The following ZMAT4 variants were observed in gnomAD, a reference collection of about 807,000 sequenced individuals.
The protein encoded by ZMAT4 is zinc finger matrin-type 4.
ZMAT4 carries 17 observed loss-of-function variants against 28.7 expected under a neutral mutation model. The observed-to-expected ratio is 0.59, with a 90% CI of 0.41 to 0.89. The LOEUF (loss-of-function observed/expected upper bound fraction) is 0.89, where lower values mean the gene tolerates loss of function less well. Ranked by LOEUF, ZMAT4 falls within the 40% of genes least tolerant of loss-of-function variation. The pLI, the probability that ZMAT4 is intolerant of heterozygous loss-of-function variation, is 0.00. For synonymous variants in ZMAT4, 117 were observed against 109.2 expected (o/e 1.07, Z -0.44); for missense variants, 240 against 283.8 (o/e 0.85, Z 1.11).
intron 5 of ZMAT4, among the ~76,000 whole-genome samples, chr8:40,669,482 TG>T (rs1405670479): frequency 6.6e-6 from 1 of 151,896 alleles, no homozygotes; most frequent in African/African-American, 2.4e-5. Context: ...CCACCGCTTT[TG>T]CCTCTGCCAC....
chr8:40,532,474 A>C (rs1381531869), intron 6 of ZMAT4, among the ~76,000 whole-genome samples: 1 of 152,190 alleles, frequency 6.6e-6, no homozygotes, highest in East Asian at 1.9e-4. Context: ...ATAGCTCTAC[A>C]TTGTCAATCC....
intron 3 of ZMAT4, among the ~76,000 whole-genome samples, chr8:40,707,675 T>C (rs541542054): frequency 1.6e-4 from 25 of 152,328 alleles, no homozygotes; most frequent in Middle Eastern, 3.4e-3. Flanking sequence ...TATGTCTGTG[T>C]GTATATACAT....
At chr8:40,747,449 C>G (rs891369128) in intron 3 of ZMAT4, among the ~76,000 whole-genome samples, 2 of 152,068 alleles carry the variant, frequency 1.3e-5, no homozygotes, top group Non-Finnish European at 2.9e-5. Flanking sequence ...CTCAGATATT[C>G]CTTGGTTATG....
At chr8:40,783,834 A>C (rs1813946500) in intron 2 of ZMAT4, among the ~76,000 whole-genome samples, 1 of 152,106 alleles carries the variant, frequency 6.6e-6, no homozygotes, top group South Asian at 2.1e-4. Flanking sequence ...AACATGGTGA[A>C]ACCCTGTCTC....
intron 5 of ZMAT4, among the ~76,000 whole-genome samples, chr8:40,651,502 C>T (rs1173601420): frequency 5.3e-5 from 8 of 149,916 alleles, no homozygotes; most frequent in African/African-American, 9.9e-5. Context: ...GCCATACTGC[C>T]CAAGGTAATT....
chr8:40,731,473 G>C (rs1811539976), intron 3 of ZMAT4, among the ~76,000 whole-genome samples: 1 of 151,950 alleles, frequency 6.6e-6, no homozygotes, highest in Non-Finnish European at 1.5e-5. Context: ...GCAAACCTAA[G>C]GGAAGAAGAA....
chr8:40,767,129 C>T (rs1294408966), intron 3 of ZMAT4, among the ~76,000 whole-genome samples: 1 of 152,206 alleles, frequency 6.6e-6, no homozygotes, highest in Non-Finnish European at 1.5e-5. Context: ...ATAATTGTCA[C>T]TTGTCTTCCC....
intron 4 of ZMAT4, among the ~76,000 whole-genome samples, chr8:40,685,217 T>C (rs1809349811): frequency 6.6e-6 from 1 of 152,140 alleles, no homozygotes; most frequent in Non-Finnish European, 1.5e-5. Flanking sequence ...TGCTCCATCA[T>C]GTCAAGTCCC....
intron 2 of ZMAT4, among the ~76,000 whole-genome samples, chr8:40,781,891 T>G (rs1047731582): frequency 2.0e-5 from 3 of 151,222 alleles, no homozygotes; most frequent in Admixed American, 2.0e-4. Context: ...ATTAAATATA[T>G]GCAAAACAGT....
chr8:40,851,557 T>C lies in ZMAT4; in HGVS notation c.-4-25877A>G, dbSNP rs79207997. ...TGGGGAAAACCGAGTGAAGGGTTTA[T>C]AAATACTCTTTGAACTATGCTTGCA... On this transcript the variant is annotated intron_variant, in intron 1 of 6. Coordinates refer to ENST00000297737, the MANE Select transcript of ZMAT4 (RefSeq NM_024645.3). Among the ~76,000 whole-genome samples, 497 of 152,346 alleles carry C rather than the reference T, an allele frequency of 3.3e-3. 2 individuals are homozygous for C. Among genetic ancestry groups the C allele is most frequent in the East Asian group, 0.03 (157 of 5,188 alleles).
chr8:40,749,441 C>A (rs1812369836), intron 3 of ZMAT4, among the ~76,000 whole-genome samples: 1 of 152,136 alleles, frequency 6.6e-6, no homozygotes, highest in African/African-American at 2.4e-5. Flanking sequence ...AACTTGACCC[C>A]AGGGGAGTTT....
At chr8:40,636,980 T>C (rs1806815129) in intron 5 of ZMAT4, among the ~76,000 whole-genome samples, 1 of 152,134 alleles carries the variant, frequency 6.6e-6, no homozygotes, top group Admixed American at 6.5e-5. Flanking sequence ...AGTAATTGCT[T>C]CTTTAGCTGA....
intron 6 of ZMAT4, among the ~76,000 whole-genome samples, chr8:40,536,830 T>A (rs1179506680): frequency 6.6e-6 from 1 of 151,892 alleles, no homozygotes; most frequent in Non-Finnish European, 1.5e-5. Flanking sequence ...AGGAAACTGC[T>A]GTGCTTAAGA....
At chr8:40,696,077 G>A (rs1489504248) in intron 4 of ZMAT4, among the ~76,000 whole-genome samples, 1 of 152,098 alleles carries the variant, frequency 6.6e-6, no homozygotes, top group East Asian at 1.9e-4. Flanking sequence ...TCAATTGACT[G>A]GCTGCTTGTC....
At chr8:40,567,718 A>T (rs572966381) in intron 6 of ZMAT4, among the ~76,000 whole-genome samples, 134 of 149,900 alleles carry the variant, frequency 8.9e-4, no homozygotes, top group African/African-American at 3.2e-3. Context: ...AAAAAAAGAA[A>T]GAACAAAAAA....
intron 4 of ZMAT4, among the ~76,000 whole-genome samples, chr8:40,680,838 CT>C (rs1280268899): frequency 6.6e-6 from 1 of 152,034 alleles, no homozygotes; most frequent in African/African-American, 2.4e-5. Context: ...TCCCTTTTCT[CT>C]CATGCTTAAT....
At chr8:40,820,776 T>C (rs1379403600) in intron 2 of ZMAT4, among the ~76,000 whole-genome samples, 54 of 150,858 alleles carry the variant, frequency 3.6e-4, no homozygotes, top group Non-Finnish European at 4.4e-4. Flanking sequence ...TGTATATGTG[T>C]TTATGGGTGT....
chr8:40,772,512 C>A (rs572610891), intron 2 of ZMAT4, among the ~76,000 whole-genome samples: 8 of 152,316 alleles, frequency 5.3e-5, no homozygotes, highest in Middle Eastern at 3.4e-3. Flanking sequence ...TTGCTTCCAG[C>A]AGGGCTACTG....
At chr8:40,846,789 TC>T (rs1816916060) in intron 1 of ZMAT4, among the ~76,000 whole-genome samples, 1 of 152,152 alleles carries the variant, frequency 6.6e-6, no homozygotes, top group African/African-American at 2.4e-5. Context: ...TACCGTCCGT[TC>T]CAATGTTTAA....
Sources: allele counts gnomAD v4.1 joint callset (sites outside exome capture counted in the v4.1 genomes callset), GRCh38; gene constraint gnomAD v4.1.1; transcripts MANE v1.5; gene names NCBI Gene and HGNC (gene_info 2026-07-23, HGNC 2026-07-21).